The following ANKS1B variants were observed in gnomAD, a reference collection of about 807,000 sequenced individuals.
ANKS1B encodes ankyrin repeat and sterile alpha motif domain containing 1B, also known as ankyrin repeat and sterile alpha motif domain-containing protein 1B.
ANKS1B carries 36 observed loss-of-function variants against 148.3 expected under a neutral mutation model. That is an observed-to-expected ratio of 0.24 (90% CI 0.19 to 0.32). The LOEUF is 0.32. Ranked by LOEUF, ANKS1B falls within the 10% of genes least tolerant of loss-of-function variation. The pLI is 1.00. For synonymous variants in ANKS1B, 542 were observed against 560.8 expected (o/e 0.97, Z 0.47); for missense variants, 1,157 against 1,542.6 (o/e 0.75, Z 4.19).
intron 25 of ANKS1B, among the ~76,000 whole-genome samples, chr12:98,755,793 C>T (rs1342960110): frequency 2.0e-5 from 3 of 152,116 alleles, no homozygotes; most frequent in South Asian, 4.1e-4. Flanking sequence ...CAAAATCCCC[C>T]ACTCTTGGCC....
chr12:98,810,204 C>T (rs1007458215), intron 19 of ANKS1B, among the ~76,000 whole-genome samples: 1 of 152,208 alleles, frequency 6.6e-6, no homozygotes, highest in Non-Finnish European at 1.5e-5. Flanking sequence ...AGATTACTAA[C>T]CATGGACTAG....
chr12:99,980,512 T>C (rs1467796783), intron 1 of ANKS1B, among the ~76,000 whole-genome samples: 7 of 152,026 alleles, frequency 4.6e-5, no homozygotes, highest in African/African-American at 1.7e-4. Context: ...TAACCTGCTG[T>C]CCTTGGTTTT....
chr12:99,566,620 A>G (rs2097397077), intron 9 of ANKS1B, among the ~76,000 whole-genome samples: 1 of 152,176 alleles, frequency 6.6e-6, no homozygotes, highest in African/African-American at 2.4e-5. Flanking sequence ...ATCAGGGTAC[A>G]GTCCCCATGA....
chr12:99,166,604 T>C (rs2077207400), intron 14 of ANKS1B, among the ~76,000 whole-genome samples: 1 of 151,958 alleles, frequency 6.6e-6, no homozygotes, highest in Non-Finnish European at 1.5e-5. Flanking sequence ...CTGGGAAAAA[T>C]CATACAGGAC....
chr12:98,929,911 A>T (rs1336629401), intron 17 of ANKS1B, among the ~76,000 whole-genome samples: 3 of 152,154 alleles, frequency 2.0e-5, no homozygotes, highest in Non-Finnish European at 4.4e-5. Context: ...TGAAAGCACA[A>T]GTGACACAAG....
intron 4 of ANKS1B, among the ~76,000 whole-genome samples, chr12:99,784,143 C>T: frequency 6.6e-6 from 1 of 151,764 alleles, no homozygotes; most frequent in Middle Eastern, 3.4e-3. Flanking sequence ...ACCTCATACC[C>T]TATGCTCCAG....
intron 8 of ANKS1B, among the ~76,000 whole-genome samples, chr12:99,741,913 C>G (rs1284090319): frequency 6.6e-6 from 1 of 151,022 alleles, no homozygotes. Flanking sequence ...ATAAATAAAG[C>G]TAAATTTAAA....
At chr12:99,899,032 T>C (rs562868509) in intron 1 of ANKS1B, among the ~76,000 whole-genome samples, 1 of 152,176 alleles carries the variant, frequency 6.6e-6, no homozygotes, top group Non-Finnish European at 1.5e-5. Context: ...AGACTACAAA[T>C]TAGTGGCATT....
intron 12 of ANKS1B, among the ~76,000 whole-genome samples, chr12:99,286,794 T>C (rs1482292608): frequency 2.6e-5 from 4 of 152,120 alleles, no homozygotes; most frequent in Non-Finnish European, 5.9e-5. Flanking sequence ...CCTAGAACAG[T>C]GGTGGCCACA....
chr12:99,779,823 C>T (rs2064067556), intron 6 of ANKS1B, 48 bp downstream of exon 6: 1 of 1,391,240 alleles, frequency 7.2e-7, no homozygotes, highest in Non-Finnish European at 1.0e-6. Flanking sequence ...CAGTTTTAAT[C>T]TCATCTTAAC....
intron 9 of ANKS1B, among the ~76,000 whole-genome samples, chr12:99,505,499 A>G (rs979969987): frequency 4.6e-5 from 7 of 151,636 alleles, no homozygotes; most frequent in African/African-American, 1.7e-4. Flanking sequence ...TGATTCTTTG[A>G]TATATTCTAA....
chr12:99,356,324 G>A (rs2152410185), intron 12 of ANKS1B, among the ~76,000 whole-genome samples: 1 of 152,224 alleles, frequency 6.6e-6, no homozygotes, highest in Non-Finnish European at 1.5e-5. Flanking sequence ...AGAATGCCAG[G>A]GAAAACTGTT....
At position 98,852,090 on chromosome 12, in the gene ANKS1B, A is replaced by T. The variant is rs1053808293; in HGVS notation, c.2779-19954T>A. Among the ~76,000 whole-genome samples, 12 of 151,918 alleles carry T rather than the reference A, an allele frequency of 7.9e-5. 1 individual carries two copies. The highest frequency in any genetic ancestry group is 1.2e-4 in the Non-Finnish European group (8 of 67,990). ...ATGATGGCAGAGTTGGTTTATAACA[A>T]TAATTCTGATGCCAATATTGAGAAT... On this transcript the variant is annotated intron_variant, in intron 17 of 26. Coordinates refer to ENST00000683438, the MANE Select transcript of ANKS1B (RefSeq NM_001352186.2).
intron 17 of ANKS1B, among the ~76,000 whole-genome samples, chr12:98,974,629 A>C (rs990747410): frequency 4.0e-5 from 6 of 150,534 alleles, no homozygotes; most frequent in Non-Finnish European, 9.0e-5. Flanking sequence ...GATGGCAAAC[A>C]ACCCATGGAG....
chr12:98,847,480 T>C (rs1035841339), intron 17 of ANKS1B, among the ~76,000 whole-genome samples: 2 of 152,254 alleles, frequency 1.3e-5, no homozygotes, highest in African/African-American at 4.8e-5. Flanking sequence ...ATGGTATGTA[T>C]ACACTACATT....
At chr12:99,250,085 G>T (rs2153972917) in intron 12 of ANKS1B, among the ~76,000 whole-genome samples, 1 of 152,328 alleles carries the variant, frequency 6.6e-6, no homozygotes, top group South Asian at 2.1e-4. Context: ...GGCTGACAAA[G>T]TGAGGGGAGA....
Position 99,984,441 on chromosome 12 carries a change from A to G in ANKS1B, c.-204T>C. ...GCGCAGCTTTTACAATGGGGATCAG[A>G]CCATGTCTTGAAAGAGGGGCTGGCC... On this transcript the variant is annotated 5_prime_UTR_variant, in exon 1 of 27. Coordinates refer to ENST00000683438, the MANE Select transcript of ANKS1B (RefSeq NM_001352186.2). 2.1e-6 allele frequency: 1 copy of G among 470,516 alleles called. No individual in the cohort carries two copies. Among genetic ancestry groups the G allele is most frequent in the Non-Finnish European group, 3.7e-6 (1 of 267,398 alleles). The allele number at this position is 470,516 out of a possible 1,614,324, so 29.1% of individuals were successfully genotyped here. A position where few individuals can be genotyped will look rare whatever the true frequency, so the allele number is the denominator to read the frequency against.
intron 10 of ANKS1B, among the ~76,000 whole-genome samples, chr12:99,490,439 A>C (rs1567202812): frequency 1.3e-5 from 2 of 152,244 alleles, no homozygotes; most frequent in Non-Finnish European, 1.5e-5. Context: ...TATATTTTGT[A>C]CATTATTTAT....
intron 12 of ANKS1B, among the ~76,000 whole-genome samples, chr12:99,394,899 G>T (rs902086574): frequency 7.4e-5 from 11 of 147,794 alleles, no homozygotes; most frequent in Non-Finnish European, 1.2e-4. Flanking sequence ...ATTAACTCCT[G>T]GTATTTCTCA....
Sources: gnomAD v4.1 joint callset for allele counts (sites outside exome capture counted in the v4.1 genomes callset) on GRCh38, gnomAD v4.1.1 for gene constraint, MANE v1.5 for transcripts, NCBI Gene and HGNC (gene_info 2026-07-23, HGNC 2026-07-21) for gene names.